CAB39: variants seen among roughly 807,000 people sequenced by gnomAD.
The protein encoded by CAB39 is calcium binding protein 39.
CAB39 carries 8 observed loss-of-function variants against 40.0 expected under a neutral mutation model. The ratio of observed to expected loss-of-function variants is 0.20; its 90% CI spans 0.12 to 0.36. CAB39 has a LOEUF of 0.36. CAB39 is among the 10% of genes least tolerant of loss of function. The pLI, the probability that CAB39 is intolerant of heterozygous loss-of-function variation, is 1.00. For missense variants in CAB39, 270 were observed against 401.1 expected, an observed-to-expected ratio of 0.67 and a Z score of 2.79; for synonymous variants, 156 against 141.6, an observed-to-expected ratio of 1.10 and a Z score of -0.72.
At chr2:230,775,925 AT>A (rs1218473570) in intron 2 of CAB39, among the ~76,000 whole-genome samples, 2 of 152,322 alleles carry the variant, frequency 1.3e-5, no homozygotes, top group African/African-American at 4.8e-5. Context: ...CGCAGATAAA[AT>A]TCTGTGGGAA....
chr2:230,744,635 T>C (rs577325469), intron 1 of CAB39, among the ~76,000 whole-genome samples: 1 of 152,368 alleles, frequency 6.6e-6, no homozygotes, highest in South Asian at 2.1e-4. Context: ...TGTTTAGATG[T>C]TACAGTGGTT....
chr2:230,799,757 G>A lies in CAB39; in HGVS notation c.567+860G>A, dbSNP rs561996580. Among the ~76,000 whole-genome samples, 119 of 152,300 alleles carry A rather than the reference G, an allele frequency of 7.8e-4. 1 individual carries two copies. Among genetic ancestry groups the A allele is most frequent in the African/African-American group, 2.7e-3 (114 of 41,556 alleles). On this transcript the variant is annotated intron_variant, in intron 5 of 8. Transcript: ENST00000258418. ...TGTAATCCCAGCACTTTAAGAGGCTGAGGCGGGCGGATGACCTGAGGTCGG... is the reference window on the plus strand; with the variant it reads ...TGTAATCCCAGCACTTTAAGAGGCTAAGGCGGGCGGATGACCTGAGGTCGG...
chr2:230,744,404 C>T (rs1165091034), intron 1 of CAB39, among the ~76,000 whole-genome samples: 1 of 152,226 alleles, frequency 6.6e-6, no homozygotes, highest in Non-Finnish European at 1.5e-5. Context: ...AGCAGTCCTC[C>T]TGCCTCAGCC....
chr2:230,724,159 A>G (rs1489635158), intron 1 of CAB39, among the ~76,000 whole-genome samples: 2 of 151,750 alleles, frequency 1.3e-5, no homozygotes, highest in East Asian at 3.9e-4. Flanking sequence ...AGGCATAAGA[A>G]TTGCTTGAAC....
intron 2 of CAB39, among the ~76,000 whole-genome samples, chr2:230,768,445 A>G (rs1695427568): frequency 1.3e-5 from 2 of 152,216 alleles, no homozygotes; most frequent in African/African-American, 2.4e-5. Flanking sequence ...ATTTTTCCCT[A>G]TTAGATAAAT....
At chr2:230,778,567 C>T (rs1164488513) in intron 2 of CAB39, among the ~76,000 whole-genome samples, 1 of 152,090 alleles carries the variant, frequency 6.6e-6, no homozygotes, top group African/African-American at 2.4e-5. Context: ...CTGAAAAGGC[C>T]ATTTGTACTA....
intron 8 of CAB39, chr2:230,818,299 C>T: frequency 3.8e-6 from 2 of 520,466 alleles, no homozygotes; most frequent in Non-Finnish European, 6.7e-6. Context: ...GCAGGGCTGG[C>T]AGAATGAGTT....
intron 1 of CAB39, among the ~76,000 whole-genome samples, chr2:230,743,137 A>G (rs1256468091): frequency 1.3e-5 from 2 of 152,340 alleles, no homozygotes; most frequent in Non-Finnish European, 2.9e-5. Flanking sequence ...AGATGAGGAA[A>G]CTGGCATTAA....
intron 1 of CAB39, among the ~76,000 whole-genome samples, chr2:230,720,632 G>A (rs1426135485): frequency 1.3e-5 from 2 of 152,164 alleles, no homozygotes. Flanking sequence ...ATGTTGGCCA[G>A]GCTGGTCTTG....
chr2:230,785,005 C>T (rs146272312), intron 2 of CAB39, among the ~76,000 whole-genome samples: 211 of 152,166 alleles, frequency 1.4e-3, no homozygotes, highest in African/African-American at 4.8e-3. Context: ...GGAAGTTGTC[C>T]AGGACTAGTT....
chr2:230,779,238 G>GAGA (rs1450219029), intron 2 of CAB39: 1 of 152,234 alleles, frequency 6.6e-6, no homozygotes, highest in Non-Finnish European at 1.5e-5. Context: ...TCAGAGCCTT[G>GAGA]ATCTGAGAAG....
chr2:230,736,496 C>A (rs1694790715), intron 1 of CAB39, among the ~76,000 whole-genome samples: 1 of 152,154 alleles, frequency 6.6e-6, no homozygotes, highest in Non-Finnish European at 1.5e-5. Flanking sequence ...AAATGCATGT[C>A]TTTTACACTA....
intron 1 of CAB39, among the ~76,000 whole-genome samples, chr2:230,726,624 G>T (rs1694577583): frequency 6.6e-6 from 1 of 152,116 alleles, no homozygotes; most frequent in Admixed American, 6.6e-5. Context: ...GAAGGAACTA[G>T]GAACTGTTAG....
chr2:230,802,116 A>T (rs1696100824), intron 5 of CAB39, among the ~76,000 whole-genome samples: 1 of 152,238 alleles, frequency 6.6e-6, no homozygotes, highest in African/African-American at 2.4e-5. Context: ...CTGCCACTCA[A>T]AACCACACAA....
At position 230,783,478 on chromosome 2, in the gene CAB39, G is replaced by GT. The variant is rs145862042; in HGVS notation, c.115-7391dup. ...GTTTTGTTTTGTTTTGTTTTGTTTT[G>GT]TTTGTTTTGAGACAGGGTCTTGCTC... On this transcript the variant is annotated intron_variant, in intron 2 of 8. Coordinates refer to ENST00000258418, the MANE Select transcript of CAB39 (RefSeq NM_016289.4). 2.1e-4 allele frequency among the ~76,000 whole-genome samples: 29 copies of GT among 137,338 alleles called. No homozygotes were observed. The South Asian group carries it at 6.8e-3, about 32-fold the overall frequency. 90.1% of individuals were successfully genotyped at this position (137,338 alleles called of 152,430 possible).
At chr2:230,739,250 C>T (rs1389024222) in intron 1 of CAB39, among the ~76,000 whole-genome samples, 2 of 152,138 alleles carry the variant, frequency 1.3e-5, no homozygotes, top group Non-Finnish European at 2.9e-5. Context: ...ATTGATTAAC[C>T]TTTTGTATTT....
intron 1 of CAB39, among the ~76,000 whole-genome samples, chr2:230,731,680 G>A (rs1359922926): frequency 6.6e-6 from 1 of 152,028 alleles, no homozygotes; most frequent in African/African-American, 2.4e-5. Context: ...TAAATTTCTT[G>A]TAGACACGGG....
At chr2:230,725,299 C>G (rs372284663) in intron 1 of CAB39, 1 of 1,573,652 alleles carries the variant, frequency 6.4e-7, no homozygotes. Flanking sequence ...AGCCCCTTTC[C>G]TCCAGCTTCT....
chr2:230,778,968 T>C (rs1695642433), intron 2 of CAB39: 1 of 152,212 alleles, frequency 6.6e-6, no homozygotes, highest in African/African-American at 2.4e-5. Context: ...GGTGCGTGAC[T>C]ATAGTTACCT....
Sources: allele counts gnomAD v4.1 joint callset (sites outside exome capture counted in the v4.1 genomes callset), GRCh38; gene constraint gnomAD v4.1.1; transcripts MANE v1.5; gene names NCBI Gene and HGNC (gene_info 2026-07-23, HGNC 2026-07-21).